Variants in UBA1 observed in about 807,000 individuals in gnomAD.
UBA1 encodes ubiquitin like modifier activating enzyme 1.
In UBA1, 4 loss-of-function variants were observed where a neutral mutation model predicts 84.7. That is an observed-to-expected ratio of 0.05 (90% confidence interval 0.02 to 0.11). The LOEUF is 0.11. Ranked by LOEUF, UBA1 falls within the 10% of genes least tolerant of loss-of-function variation. The pLI is 1.00. For missense variants in UBA1, 513 were observed against 902.8 expected (o/e 0.57, Z 5.53); for synonymous variants, 364 against 362.6 (o/e 1.00, Z -0.04).
chrX:47,204,368 G>T (rs1020920680), intron 14 of UBA1, among the ~76,000 whole-genome samples: 1 of 110,043 alleles, frequency 9.1e-6, no homozygotes, highest in African/African-American at 3.3e-5. Flanking sequence ...TTCTCCCAGC[G>T]GGAGTTAAAC....
chrX:47,199,759 A>G, intron 5 of UBA1, 145 bp downstream of exon 5: 1 of 700,235 alleles, frequency 1.4e-6, no homozygotes, highest in Non-Finnish European at 2.2e-6. Flanking sequence ...GGCAGCAGTT[A>G]GCCCCTGGCC....
chrX:47,213,250 C>T (rs989399679), intron 23 of UBA1, 69 bp downstream of exon 23: 44 of 1,088,225 alleles, frequency 4.0e-5, no homozygotes, highest in Non-Finnish European at 5.5e-5. Context: ...TGATTCACGT[C>T]ATACCCTGTC....
Position 47,195,889 on chromosome X carries a change from CCTAT to C in UBA1, c.-1+1870_-1+1873del, listed in dbSNP as rs1160872257. 9.0e-5 allele frequency among the ~76,000 whole-genome samples: 10 copies of C among 110,917 alleles called. No homozygotes were observed. In the East Asian group the frequency reaches 2.9e-3, roughly 32 times the overall value. On this transcript the variant is annotated intron_variant, in intron 1 of 25. Transcript: ENST00000335972. ...AGATACACCTCTCCTCTTGCATGTC[CCTAT>C]CTATTATTTTTGGTTAAAGATTTCT...
At chrX:47,196,663 C>G (rs1602620955) in intron 1 of UBA1, among the ~76,000 whole-genome samples, 2 of 111,546 alleles carry the variant, frequency 1.8e-5, no homozygotes, top group Admixed American at 1.9e-4. Flanking sequence ...CTGTTCCAAA[C>G]CTTTGCAGTC....
intron 23 of UBA1, 66 bp downstream of exon 23, chrX:47,213,247 C>T (rs1236336233): frequency 1.1e-4 from 123 of 1,084,394 alleles, no homozygotes; most frequent in Non-Finnish European, 1.3e-4. Flanking sequence ...TTCTGATTCA[C>T]GTCATACCCT....
intron 21 of UBA1, 55 bp from the exon 22 acceptor site, chrX:47,212,716 T>C (rs1936977110): frequency 9.4e-7 from 1 of 1,066,630 alleles, no homozygotes; most frequent in Non-Finnish European, 1.3e-6. Flanking sequence ...AGGATACACA[T>C]CTTCTTTATC....
intron 21 of UBA1, 64 bp downstream of exon 21, chrX:47,212,576 A>T: frequency 9.5e-7 from 1 of 1,055,440 alleles, no homozygotes; most frequent in South Asian, 1.9e-5. Flanking sequence ...TGGAGAAAAC[A>T]GGAGTATCTG....
chrX:47,214,486 C>T (rs1360017777), intron 24 of UBA1, 51 bp from the exon 25 acceptor site: 1 of 1,197,909 alleles, frequency 8.3e-7, no homozygotes, highest in African/African-American at 1.8e-5. Flanking sequence ...TACACGGTGA[C>T]TTGCTGGCCT....
intron 16 of UBA1, chrX:47,208,888 A>C (rs1466128792): frequency 8.9e-6 from 1 of 111,898 alleles, no homozygotes; most frequent in Non-Finnish European, 1.9e-5. Context: ...CCAGGAGTTC[A>C]AGACCAGCCT....
chrX:47,191,904 C>T (rs1490849398), upstream of UBA1, among the ~76,000 whole-genome samples: 1 of 111,887 alleles, frequency 8.9e-6, no homozygotes, highest in East Asian at 2.8e-4. Flanking sequence ...CTACATTGTT[C>T]ATTTCTTATG....
At chrX:47,200,037 C>T (rs782311803) in intron 5 of UBA1, among the ~76,000 whole-genome samples, 4 of 110,323 alleles carry the variant, frequency 3.6e-5, no homozygotes, top group Admixed American at 9.6e-5. Context: ...CGCCCGCCTC[C>T]GCCTCCCAAA....
In UBA1 at chrX:47,210,771, G is replaced by A. The variant is rs921501081; in HGVS notation, c.2200-71G>A. ...AATTGGGGGCACATCTGGGGCCTAG[G>A]TGAAGCGTGAAGATTGTCAGAGAGG... On this transcript the variant is annotated intron_variant, in intron 18 of 25. Transcript: ENST00000335972. 38 of 1,077,944 alleles carry A rather than the reference G, an allele frequency of 3.5e-5. No homozygotes were observed. The African/African-American group carries it at 6.0e-4, about 17-fold the overall frequency. The allele number at this position is 1,077,944 out of a possible 1,213,427, so 88.8% of individuals were successfully genotyped here. A position where few individuals can be genotyped will look rare whatever the true frequency, so the allele number is the denominator to read the frequency against.
At chrX:47,207,286 G>A (rs1273743561) in intron 16 of UBA1, among the ~76,000 whole-genome samples, 1 of 111,517 alleles carries the variant, frequency 9.0e-6, no homozygotes, top group South Asian at 3.8e-4. Flanking sequence ...TATCTAGCTC[G>A]GGGTGTCCAA....
chrX:47,196,700 ACTT>A (rs1287019707), intron 1 of UBA1, among the ~76,000 whole-genome samples: 2 of 111,469 alleles, frequency 1.8e-5, no homozygotes, highest in African/African-American at 6.5e-5. Flanking sequence ...ATCATCTGAA[ACTT>A]CTTAGACTCT....
chrX:47,192,043 T>C (rs1602615008), upstream of UBA1, among the ~76,000 whole-genome samples: 1 of 112,275 alleles, frequency 8.9e-6, no homozygotes, highest in East Asian at 2.8e-4. Context: ...AAGATTAGCT[T>C]ACACTCGTTT....
chrX:47,211,292 C>G, intron 20 of UBA1, 67 bp downstream of exon 20: 1 of 1,114,822 alleles, frequency 9.0e-7, no homozygotes. Context: ...AGCCTCCCCA[C>G]CAGTCCTCTA....
At chrX:47,204,139 GTTTTTTTTTTTTTTTTTT>G (rs55829376) in intron 14 of UBA1, among the ~76,000 whole-genome samples, 1 of 16,861 alleles carries the variant, frequency 5.9e-5, no homozygotes, top group Non-Finnish European at 9.7e-5. Flanking sequence ...CTCAGCTTCT[GTTTTTTTTTTTTTTTTTT>G]TTTTTTTTTT....
intron 16 of UBA1, among the ~76,000 whole-genome samples, chrX:47,207,244 T>A (rs1420780386): frequency 1.8e-5 from 2 of 111,939 alleles, no homozygotes; most frequent in African/African-American, 3.3e-5. Flanking sequence ...TCTGTGTGTA[T>A]GGTGCATTTA....
chrX:47,193,241 A>G (rs1378017627), upstream of UBA1, among the ~76,000 whole-genome samples: 9 of 111,684 alleles, frequency 8.1e-5, no homozygotes, highest in African/African-American at 2.9e-4. Flanking sequence ...TTCCAGGTTG[A>G]GCTACTGCAG....
Sources: allele counts gnomAD v4.1 joint callset (sites outside exome capture counted in the v4.1 genomes callset), GRCh38; gene constraint gnomAD v4.1.1; transcripts MANE v1.5; gene names NCBI Gene and HGNC (gene_info 2026-07-23, HGNC 2026-07-21).